Variants in PCDH15 observed in about 807,000 individuals in gnomAD.
The protein encoded by PCDH15 is protocadherin related 15.
Under a neutral mutation model 178.5 loss-of-function variants are expected in PCDH15, and 129 were observed. That is an observed-to-expected ratio of 0.72 (90% CI 0.63 to 0.84). The LOEUF (loss-of-function observed/expected upper bound fraction) is 0.84, where lower values mean the gene tolerates loss of function less well. PCDH15 is among the 40% of genes least tolerant of loss of function. PCDH15 has a pLI of 0.00. For synonymous variants in PCDH15, 800 were observed against 732.0 expected, an observed-to-expected ratio of 1.09 and a Z score of -1.50; for missense variants, 2,230 against 2,099.9, an observed-to-expected ratio of 1.06 and a Z score of -1.21.
At chr10:55,082,490 G>A (rs919739696) in intron 2 of PCDH15, among the ~76,000 whole-genome samples, 3 of 150,138 alleles carry the variant, frequency 2.0e-5, no homozygotes, top group Non-Finnish European at 4.4e-5. Flanking sequence ...ACCTAACAAT[G>A]CATCTTAAAG....
intron 21 of PCDH15, among the ~76,000 whole-genome samples, chr10:53,978,824 G>A (rs2090400376): frequency 6.6e-6 from 1 of 152,092 alleles, no homozygotes; most frequent in Non-Finnish European, 1.5e-5. Flanking sequence ...GGGGCAAAAT[G>A]CTGCGTCTCT....
intron 8 of PCDH15, among the ~76,000 whole-genome samples, chr10:54,316,609 TG>T (rs539692744): frequency 2.9e-4 from 44 of 152,056 alleles, no homozygotes; most frequent in Admixed American, 9.2e-4. Flanking sequence ...TTGATATTTT[TG>T]CCTCAGCAGG....
At chr10:54,393,783 A>G (rs76169808) in intron 3 of PCDH15, among the ~76,000 whole-genome samples, 1 of 152,192 alleles carries the variant, frequency 6.6e-6, no homozygotes, top group Admixed American at 6.5e-5. Flanking sequence ...CTTTTTAGGG[A>G]AAAAAGACAC....
chr10:55,256,682 C>T (rs7068962), intron 1 of PCDH15, among the ~76,000 whole-genome samples: 79,968 of 151,962 alleles, frequency 0.53, 21,413 homozygotes, highest in South Asian at 0.59. Context: ...GGGGGAGGGG[C>T]GCCCGCCATT....
intron 1 of PCDH15, among the ~76,000 whole-genome samples, chr10:54,779,538 A>ATGTGTG (rs1950164973): frequency 2.3e-5 from 1 of 42,652 alleles, no homozygotes; most frequent in Non-Finnish European, 5.1e-5. Context: ...ACACACATAT[A>ATGTGTG]TATAGCATTT....
intron 2 of PCDH15, among the ~76,000 whole-genome samples, chr10:55,589,482 G>C (rs911309024): frequency 4.6e-5 from 7 of 151,904 alleles, no homozygotes; most frequent in African/African-American, 1.2e-4. Context: ...TTAAACTAAA[G>C]AGCTTCTGCA....
intron 2 of PCDH15, among the ~76,000 whole-genome samples, chr10:55,081,621 C>T (rs113528788): frequency 1.8e-4 from 27 of 152,220 alleles, no homozygotes; most frequent in African/African-American, 5.8e-4. Context: ...ATAAAGGATG[C>T]CTGAGAGAGC....
intron 3 of PCDH15, among the ~76,000 whole-genome samples, chr10:54,489,265 G>C (rs1464590628): frequency 6.6e-6 from 1 of 152,038 alleles, no homozygotes; most frequent in African/African-American, 2.4e-5. Flanking sequence ...CAAGTGAATA[G>C]ATCCCTCTGA....
chr10:55,613,978 G>A (rs1224643598), intron 2 of PCDH15, among the ~76,000 whole-genome samples: 2 of 152,024 alleles, frequency 1.3e-5, no homozygotes, highest in East Asian at 3.9e-4. Flanking sequence ...GCCGGGCATG[G>A]TGGTGGGTGC....
chr10:54,960,464 T>A (rs1211687541), intron 2 of PCDH15, among the ~76,000 whole-genome samples: 2 of 152,176 alleles, frequency 1.3e-5, no homozygotes, highest in East Asian at 3.8e-4. Flanking sequence ...ATAGGCACAC[T>A]ACCTCCATAG....
chr10:54,503,264 T>TGTGTGA (rs35648214), intron 3 of PCDH15, among the ~76,000 whole-genome samples: 9,815 of 137,278 alleles, frequency 0.071, 516 homozygotes, highest in Non-Finnish European at 0.086. Flanking sequence ...TGTGTGTGTG[T>TGTGTGA]GATTATATAT....
chr10:54,006,294 T>C (rs961639920), intron 20 of PCDH15, among the ~76,000 whole-genome samples: 10 of 152,150 alleles, frequency 6.6e-5, no homozygotes, highest in Admixed American at 6.6e-4. Context: ...CCAATAGGAA[T>C]CTGAAAATGC....
chr10:54,779,452 T>TATATGTGTGTATATATATACACA (rs1566221590), intron 1 of PCDH15, among the ~76,000 whole-genome samples: 13 of 110,864 alleles, frequency 1.2e-4, no homozygotes, highest in South Asian at 3.0e-4. Context: ...ATATATACAC[T>TATATGTGTGTATATATATACACA]CATATATGTG....
At chr10:54,593,070 T>A (rs1322829201) in intron 2 of PCDH15, among the ~76,000 whole-genome samples, 2 of 152,220 alleles carry the variant, frequency 1.3e-5, no homozygotes, top group African/African-American at 4.8e-5. Flanking sequence ...CCTTATATAT[T>A]TTGAATATTA....
In PCDH15 at chr10:55,072,476, G is replaced by A. The variant is rs914736541; in HGVS notation, c.-80+94100C>T. Among the ~76,000 whole-genome samples, 22 of 152,178 alleles carry A rather than the reference G, an allele frequency of 1.4e-4. No homozygotes were observed. The East Asian group carries it at 3.1e-3, about 21-fold the overall frequency. On this transcript the variant is annotated intron_variant, in intron 2 of 5. Coordinates refer to the PCDH15 transcript ENST00000458638. ...CAGAGAATACTACGAACACCTCTAC[G>A]CAAATAAACTAGAAAATCTAGAAGA...
chr10:54,600,653 C>A, intron 2 of PCDH15: 1 of 569,448 alleles, frequency 1.8e-6, no homozygotes, highest in South Asian at 1.4e-5. Flanking sequence ...CTTCACATGC[C>A]GTAATAAAGG....
intron 8 of PCDH15, among the ~76,000 whole-genome samples, chr10:54,238,390 T>C (rs1263752178): frequency 2.6e-5 from 4 of 152,088 alleles, no homozygotes; most frequent in Admixed American, 2.0e-4. Flanking sequence ...AGGATAATTA[T>C]TGACCAATAA....
intron 2 of PCDH15, among the ~76,000 whole-genome samples, chr10:54,626,536 C>T (rs542010157): frequency 6.6e-6 from 1 of 152,284 alleles, no homozygotes; most frequent in South Asian, 2.1e-4. Context: ...GCAGTTTCCA[C>T]GTGGTGTTGA....
intron 1 of PCDH15, among the ~76,000 whole-genome samples, chr10:55,215,538 A>G (rs1840680020): frequency 6.6e-6 from 1 of 152,092 alleles, no homozygotes; most frequent in Admixed American, 6.6e-5. Flanking sequence ...TGTAATGAAA[A>G]CAACACAGGT....
Sources: allele counts gnomAD v4.1 joint callset (sites outside exome capture counted in the v4.1 genomes callset), GRCh38; gene constraint gnomAD v4.1.1; transcripts MANE v1.5; gene names NCBI Gene and HGNC (gene_info 2026-07-23, HGNC 2026-07-21).